The following HOMER1 variants were observed in gnomAD, a reference collection of about 807,000 sequenced individuals.
The protein encoded by HOMER1 is homer protein homolog 1.
A neutral mutation model predicts 48.9 loss-of-function variants in HOMER1; 3 were observed. The observed-to-expected ratio is 0.06, with a 90% CI of 0.03 to 0.16. The LOEUF (loss-of-function observed/expected upper bound fraction) is 0.16. HOMER1 is among the 10% of genes least tolerant of loss of function. HOMER1 has a pLI of 1.00. For synonymous variants in HOMER1, 134 were observed against 146.4 expected, an observed-to-expected ratio of 0.92 and a Z score of 0.61; for missense variants, 247 against 411.4, an observed-to-expected ratio of 0.60 and a Z score of 3.46.
At chr5:79,448,309 T>C (rs1750940194) in intron 3 of HOMER1, among the ~76,000 whole-genome samples, 1 of 152,166 alleles carries the variant, frequency 6.6e-6, no homozygotes, top group Non-Finnish European at 1.5e-5. Flanking sequence ...TAATCTGAAA[T>C]AGTATACAAG....
At chr5:79,468,896 G>A (rs950247199) in intron 1 of HOMER1, among the ~76,000 whole-genome samples, 2 of 152,172 alleles carry the variant, frequency 1.3e-5, no homozygotes, top group African/African-American at 4.8e-5. Flanking sequence ...ATTTGCATAT[G>A]CCTGATCACT....
At chr5:79,483,930 T>C (rs546268954) in intron 1 of HOMER1, among the ~76,000 whole-genome samples, 1 of 150,464 alleles carries the variant, frequency 6.6e-6, no homozygotes, top group African/African-American at 2.4e-5. Flanking sequence ...GGTGGGTGCA[T>C]GTAATCTCGG....
chr5:79,468,128 T>TC (rs1398293945), intron 1 of HOMER1, among the ~76,000 whole-genome samples: 1 of 152,146 alleles, frequency 6.6e-6, no homozygotes, highest in Non-Finnish European at 1.5e-5. Context: ...AATTACACTA[T>TC]CCAGTATGGT....
chr5:79,442,887 T>G (rs544144023), intron 4 of HOMER1, among the ~76,000 whole-genome samples: 1 of 152,340 alleles, frequency 6.6e-6, no homozygotes, highest in East Asian at 1.9e-4. Context: ...GTCATACATT[T>G]TTCCTATAGT....
At chr5:79,407,957 G>A (rs1395614973) in intron 5 of HOMER1, among the ~76,000 whole-genome samples, 1 of 152,188 alleles carries the variant, frequency 6.6e-6, no homozygotes, top group Non-Finnish European at 1.5e-5. Context: ...AATATTTTGA[G>A]AGAGGGAGAG....
In HOMER1 at chr5:79,429,893, G is replaced by A. The variant is rs146079051; in HGVS notation, c.527+9117C>T. Among the ~76,000 whole-genome samples the A allele has an allele frequency of 8.5e-3, 1,291 of 151,864 alleles. 17 individuals are homozygous for A. The highest frequency in any genetic ancestry group is 0.028 in the African/African-American group (1,154 of 41,422). Reference sequence around the variant, plus strand: ...AAAAAATTAGCTAGGCATGGCGGCGGGCGCCTGTAGTCCCAGCTACTCGGG... The same window carrying A: ...AAAAAATTAGCTAGGCATGGCGGCGAGCGCCTGTAGTCCCAGCTACTCGGG... On this transcript the variant is annotated intron_variant, in intron 5 of 8. Transcript: ENST00000334082.
intron 4 of HOMER1, among the ~76,000 whole-genome samples, chr5:79,445,384 G>C (rs1008861641): frequency 6.6e-6 from 1 of 152,204 alleles, no homozygotes; most frequent in South Asian, 2.1e-4. Context: ...CTATTAAAAA[G>C]CTGAAAATAG....
chr5:79,380,716 C>T (rs375707159), intron 8 of HOMER1, among the ~76,000 whole-genome samples: 3 of 152,056 alleles, frequency 2.0e-5, no homozygotes, highest in East Asian at 3.9e-4. Flanking sequence ...AGCATATAAT[C>T]GGGGGGTAGG....
chr5:79,497,118 G>A (rs1382560949), intron 1 of HOMER1, among the ~76,000 whole-genome samples: 1 of 148,226 alleles, frequency 6.7e-6, no homozygotes, highest in Non-Finnish European at 1.5e-5. Flanking sequence ...AGGCTTCAAC[G>A]ACACTGGACA....
chr5:79,467,565 A>G (rs576081166), intron 1 of HOMER1, among the ~76,000 whole-genome samples: 2 of 152,308 alleles, frequency 1.3e-5, no homozygotes, highest in African/African-American at 4.8e-5. Context: ...TCTAATAAGT[A>G]AACTCAGGAT....
At chr5:79,461,457 C>T (rs1256530057) in intron 1 of HOMER1, among the ~76,000 whole-genome samples, 1 of 152,182 alleles carries the variant, frequency 6.6e-6, no homozygotes, top group East Asian at 1.9e-4. Context: ...GAACAACAGT[C>T]TGAGAAATGA....
chr5:79,497,860 G>A (rs1302097450), intron 1 of HOMER1, among the ~76,000 whole-genome samples: 2 of 152,002 alleles, frequency 1.3e-5, no homozygotes, highest in Non-Finnish European at 2.9e-5. Flanking sequence ...TCTCAAATAA[G>A]CTCCCTGGAC....
chr5:79,392,950 A>G (rs1423837387), intron 8 of HOMER1, among the ~76,000 whole-genome samples: 1 of 102,438 alleles, frequency 9.8e-6, no homozygotes, highest in Non-Finnish European at 1.9e-5. Flanking sequence ...AAAAGAAGGG[A>G]AAGGGAGAGA....
intron 8 of HOMER1, among the ~76,000 whole-genome samples, chr5:79,386,733 A>G (rs1749119917): frequency 6.6e-6 from 1 of 152,194 alleles, no homozygotes; most frequent in African/African-American, 2.4e-5. Flanking sequence ...TATCCCATAA[A>G]TACGTAAAAT....
chr5:79,489,904 A>C (rs894501397), intron 1 of HOMER1, among the ~76,000 whole-genome samples: 1 of 152,188 alleles, frequency 6.6e-6, no homozygotes, highest in Non-Finnish European at 1.5e-5. Context: ...CAAGATCTAT[A>C]AAGACTGACT....
chr5:79,429,245 A>G (rs1750354196), intron 5 of HOMER1, among the ~76,000 whole-genome samples: 1 of 152,026 alleles, frequency 6.6e-6, no homozygotes, highest in Non-Finnish European at 1.5e-5. Context: ...AATCCCAGCT[A>G]CTCGGGAGGC....
At chr5:79,488,449 T>C (rs1752179472) in intron 1 of HOMER1, among the ~76,000 whole-genome samples, 1 of 152,242 alleles carries the variant, frequency 6.6e-6, no homozygotes, top group Non-Finnish European at 1.5e-5. Context: ...AATGACTTAT[T>C]AATAAACTTC....
chr5:79,452,667 T>A (rs1751060512), intron 2 of HOMER1, among the ~76,000 whole-genome samples: 1 of 152,174 alleles, frequency 6.6e-6, no homozygotes, highest in South Asian at 2.1e-4. Flanking sequence ...TAAAAATGAA[T>A]GCATGACACC....
At chr5:79,480,983 T>G (rs1030855080) in intron 1 of HOMER1, among the ~76,000 whole-genome samples, 5 of 152,208 alleles carry the variant, frequency 3.3e-5, no homozygotes, top group Admixed American at 6.5e-5. Flanking sequence ...TCTTCAACCA[T>G]CACAATGCTT....
Sources: gnomAD v4.1 joint callset for allele counts (sites outside exome capture counted in the v4.1 genomes callset) on GRCh38, gnomAD v4.1.1 for gene constraint, MANE v1.5 for transcripts, NCBI Gene and HGNC (gene_info 2026-07-23, HGNC 2026-07-21) for gene names.